Variants in NTN4 observed in about 807,000 individuals in gnomAD.
The protein encoded by NTN4 is netrin 4.
Under a neutral mutation model 73.6 loss-of-function variants are expected in NTN4, and 32 were observed. The ratio of observed to expected loss-of-function variants is 0.44; its 90% CI spans 0.33 to 0.58. The LOEUF is 0.58. Among genes scored for constraint, NTN4 ranks in the 20% least tolerant of loss-of-function variants. The probability of loss-of-function intolerance (pLI) is 0.04; values close to 1 mark genes in which losing one functional copy is unlikely to be tolerated. For missense variants in NTN4, 654 were observed against 798.3 expected (o/e 0.82, Z 2.18); for synonymous variants, 258 against 287.5 (o/e 0.90, Z 1.04).
intron 7 of NTN4, 112 bp downstream of exon 7, chr12:95,682,595 A>C (rs2078326840): frequency 1.9e-5 from 12 of 626,442 alleles, no homozygotes; most frequent in South Asian, 8.5e-5. Flanking sequence ...ATGAAACCCC[A>C]GAACTAAAGA....
chr12:95,666,414 TTGAAA>T (rs1384811649), intron 8 of NTN4, among the ~76,000 whole-genome samples: 1 of 152,060 alleles, frequency 6.6e-6, no homozygotes, highest in African/African-American at 2.4e-5. Flanking sequence ...CCCAAAACTA[TTGAAA>T]TAAAATAAAA....
At chr12:95,715,397 T>C (rs113382535) in intron 3 of NTN4, among the ~76,000 whole-genome samples, 2 of 152,166 alleles carry the variant, frequency 1.3e-5, no homozygotes, top group Admixed American at 6.5e-5. Flanking sequence ...GTTGCAAAAA[T>C]TTTTGTTAAT....
chr12:95,695,324 A>C (rs1157452578), intron 5 of NTN4, among the ~76,000 whole-genome samples: 19 of 152,168 alleles, frequency 1.2e-4, no homozygotes, highest in Non-Finnish European at 1.5e-5. Flanking sequence ...TCTTCTATAC[A>C]CATTTAAATG....
intron 2 of NTN4, among the ~76,000 whole-genome samples, chr12:95,777,378 A>C (rs902585397): frequency 6.6e-6 from 1 of 152,216 alleles, no homozygotes; most frequent in Non-Finnish European, 1.5e-5. Flanking sequence ...AATTGGATAA[A>C]GAGTCAAGAC....
At chr12:95,664,179 A>G (rs1288180370) in intron 9 of NTN4, among the ~76,000 whole-genome samples, 3 of 151,916 alleles carry the variant, frequency 2.0e-5, no homozygotes, top group Non-Finnish European at 2.9e-5. Context: ...TCAGCCTTCC[A>G]AGTAGTTGGG....
At position 95,737,896 on chromosome 12, in the gene NTN4, T is replaced by C. The variant is rs763530812; in HGVS notation, c.834A>G (p.Arg278=). The C allele has an allele frequency of 3.7e-6, 6 of 1,613,920 alleles. No individual in the cohort carries two copies. The East Asian group carries it at 1.3e-4, about 36-fold the overall frequency. ...ADQCIPVHGF[R]PVKAPGTFHM... ...GGAATGTTCCTGGGGCCTTGACAGGTCTGAAGCCATGAACAGGTATGCATT... is the reference window on the plus strand; with the variant it reads ...GGAATGTTCCTGGGGCCTTGACAGGCCTGAAGCCATGAACAGGTATGCATT... The change falls in exon 3 of 10, where the codon AGA becomes AGG. Residue 278 remains arginine, a synonymous_variant. Coordinates refer to ENST00000343702, the MANE Select transcript of NTN4 (RefSeq NM_021229.4).
At chr12:95,753,815 T>C (rs1168644473) in intron 2 of NTN4, among the ~76,000 whole-genome samples, 1 of 152,086 alleles carries the variant, frequency 6.6e-6, no homozygotes, top group Non-Finnish European at 1.5e-5. Flanking sequence ...TAAGCTCCTG[T>C]ATAGACGCTC....
chr12:95,781,851 A>T lies in NTN4; in HGVS notation c.585+5088T>A, dbSNP rs893504088. On this transcript the variant is annotated intron_variant, in intron 2 of 9. Transcript: ENST00000343702. The surrounding 1 kb of genome is among the most constrained non-coding windows in gnomAD (Gnocchi z 4.1). ...CACACTCCGACATAACACAGATTTT[A>T]CTTATTTGCTCTCTATCTCCCCATC... 6.6e-6 allele frequency among the ~76,000 whole-genome samples: 1 copy of T among 152,044 alleles called. No homozygotes were observed. Among genetic ancestry groups the T allele is most frequent in the African/African-American group, 2.4e-5 (1 of 41,398 alleles).
chr12:95,665,767 C>A, intron 9 of NTN4, 43 bp downstream of exon 9: 1 of 1,483,712 alleles, frequency 6.7e-7, no homozygotes, highest in Non-Finnish European at 9.2e-7. Context: ...AGCAAATCAG[C>A]AGAGACAAGG....
In NTN4 at chr12:95,717,393, G is replaced by C. The variant is rs1319205723; in HGVS notation, c.865-4055C>G. On this transcript the variant is annotated intron_variant, in intron 3 of 9. Transcript: ENST00000343702. ...ACAAGTCAATTCCCTCTACAGCGAG[G>C]ATTTCAGAGCATTCCCTTGATCCCA... 3.3e-5 allele frequency among the ~76,000 whole-genome samples: 5 copies of C among 152,230 alleles called. No individual in the cohort carries two copies. In the East Asian group the frequency reaches 7.7e-4, roughly 23 times the overall value.
At position 95,756,694 on chromosome 12, in the gene NTN4, A is replaced by G. The variant is rs577349003; in HGVS notation, c.586-18550T>C. Among the ~76,000 whole-genome samples, 5 of 152,122 alleles carry G rather than the reference A, an allele frequency of 3.3e-5. No individual in the cohort carries two copies. The South Asian group carries it at 1.0e-3, about 32-fold the overall frequency. The stretch of plus-strand genomic sequence containing the variant: ...TTGACCTCTGGTGGAAATTGCCTGT[A>G]TGATCTCTCTTTTTTTTCCCTGCCC... On this transcript the variant is annotated intron_variant, in intron 2 of 9. Coordinates refer to ENST00000343702, the MANE Select transcript of NTN4 (RefSeq NM_021229.4).
chr12:95,783,713 C>T (rs2079148119), intron 2 of NTN4, among the ~76,000 whole-genome samples: 1 of 152,230 alleles, frequency 6.6e-6, no homozygotes, highest in African/African-American at 2.4e-5. Flanking sequence ...CATTTTAGCT[C>T]AAGCCTCAAT....
chr12:95,779,553 A>G (rs1166030055), intron 2 of NTN4, among the ~76,000 whole-genome samples: 1 of 152,178 alleles, frequency 6.6e-6, no homozygotes, highest in Non-Finnish European at 1.5e-5. Context: ...ACTCCCATTC[A>G]CAATTGTTTC....
rs376436668 is a variant in NTN4, at chr12:95,746,332, T to C, written c.586-8188A>G. 1.1e-4 allele frequency among the ~76,000 whole-genome samples: 16 copies of C among 152,268 alleles called. No homozygotes were observed. The East Asian group carries it at 1.9e-3, about 18-fold the overall frequency. ...GGAACTGTTTACTTTCCTGTAACCATTTATCCGTTTAACTTTTTTGCCTAC... is the reference window on the plus strand; with the variant it reads ...GGAACTGTTTACTTTCCTGTAACCACTTATCCGTTTAACTTTTTTGCCTAC... On this transcript the variant is annotated intron_variant, in intron 2 of 9. Transcript: ENST00000343702.
chr12:95,763,896 T>C (rs541824083), intron 2 of NTN4, among the ~76,000 whole-genome samples: 6 of 152,178 alleles, frequency 3.9e-5, no homozygotes, highest in African/African-American at 1.2e-4. Flanking sequence ...ATTATTTACA[T>C]AGCCTCTTGA....
intron 2 of NTN4, among the ~76,000 whole-genome samples, chr12:95,785,870 C>T (rs182845891): frequency 3.0e-4 from 46 of 152,262 alleles, no homozygotes; most frequent in African/African-American, 8.7e-4. Flanking sequence ...GTCTCAACCT[C>T]GGTACATTGA....
At chr12:95,724,012 T>C (rs2078670726) in intron 3 of NTN4, among the ~76,000 whole-genome samples, 1 of 152,174 alleles carries the variant, frequency 6.6e-6, no homozygotes, top group Non-Finnish European at 1.5e-5. Context: ...ACCCTTCACA[T>C]GTTACCTAGA....
intron 3 of NTN4, among the ~76,000 whole-genome samples, chr12:95,729,842 A>C (rs2078725314): frequency 6.6e-6 from 1 of 152,166 alleles, no homozygotes; most frequent in Non-Finnish European, 1.5e-5. Context: ...TGGAGACACG[A>C]TTTGTGCACC....
Position 95,710,465 on chromosome 12 carries a change from A to C in NTN4, c.1156T>G (p.Phe386Val). The C allele has an allele frequency of 6.2e-7, 1 of 1,613,752 alleles. No individual in the cohort carries two copies. The highest frequency in any genetic ancestry group is 8.5e-7 in the Non-Finnish European group (1 of 1,179,812). ...PGFYRDLRRP[F>V]SAPDACKPCS... The stretch of plus-strand genomic sequence containing the variant: ...CGTTTGCAAGCATCTGGAGCTGAGA[A>C]GGGTCTCCGCAGGTCACGATAGAAG... The change falls in exon 5 of 10, where the codon TTC (phenylalanine) becomes GTC (valine). Residue 386 changes from phenylalanine (F) to valine (V), a missense_variant. Coordinates refer to ENST00000343702, the MANE Select transcript of NTN4 (RefSeq NM_021229.4).
Sources: gnomAD v4.1 joint callset for allele counts (sites outside exome capture counted in the v4.1 genomes callset) on GRCh38, gnomAD v4.1.1 for gene constraint, Gnocchi (gnomAD v3.1) non-coding constraint, MANE v1.5 for transcripts, NCBI Gene and HGNC (gene_info 2026-07-23, HGNC 2026-07-21) for gene names.